HIPK2: variants seen among roughly 807,000 people sequenced by gnomAD.
The protein encoded by HIPK2 is homeodomain-interacting protein kinase 2.
A neutral mutation model predicts 113.7 loss-of-function variants in HIPK2; 27 were observed. The observed-to-expected ratio is 0.24, with a 90% confidence interval of 0.17 to 0.33. The LOEUF (loss-of-function observed/expected upper bound fraction) is 0.33. Ranked by LOEUF, HIPK2 falls within the 10% of genes least tolerant of loss-of-function variation. The probability of loss-of-function intolerance (pLI) is 1.00; values close to 1 mark genes in which losing one functional copy is unlikely to be tolerated. For synonymous variants in HIPK2, 631 were observed against 642.2 expected (o/e 0.98, Z 0.26); for missense variants, 1,257 against 1,588.0 (o/e 0.79, Z 3.54).
chr7:139,602,269 G>A (rs1291150143), intron 10 of HIPK2, among the ~76,000 whole-genome samples: 1 of 152,078 alleles, frequency 6.6e-6, no homozygotes, highest in African/African-American at 2.4e-5. Context: ...CTGATATTAT[G>A]GCTTCTTTAT....
At chr7:139,651,604 G>C (rs1801459986) in intron 2 of HIPK2, among the ~76,000 whole-genome samples, 1 of 152,178 alleles carries the variant, frequency 6.6e-6, no homozygotes, top group African/African-American at 2.4e-5. Context: ...GTGACTCCTA[G>C]GAGAGAGGCG....
At chr7:139,731,671 T>A (rs531827577) in intron 1 of HIPK2, among the ~76,000 whole-genome samples, 10 of 152,252 alleles carry the variant, frequency 6.6e-5, no homozygotes, top group Non-Finnish European at 1.3e-4. Flanking sequence ...TTGTGAAAGA[T>A]GTTTTGCAGA....
rs1170666384 is a variant in HIPK2, at chr7:139,563,789, G to A, written c.*9138C>T. 2 of 398,342 alleles carry A rather than the reference G, an allele frequency of 5.0e-6. No homozygotes were observed. The highest frequency in any genetic ancestry group is 2.1e-5 in the African/African-American group (1 of 48,566). The allele number at this position is 398,342 out of a possible 1,614,324, so 24.7% of individuals were successfully genotyped here. On this transcript the variant is annotated 3_prime_UTR_variant, in exon 15 of 15. Coordinates refer to ENST00000406875, the MANE Select transcript of HIPK2 (RefSeq NM_022740.5). ...GAAAAAGCAAATGTGGTATTTTTTT[G>A]TATTTTTTAAAAGCTCCCTGGTCCC...
In HIPK2 at chr7:139,572,787, T is replaced by A; in HGVS notation, c.*140A>T. ...CTGCCCCCCCCCCCCCCCCCGCCCCTGCCCCGTTTGCATTGTTTGTGTGCG... is the reference window on the plus strand; with the variant it reads ...CTGCCCCCCCCCCCCCCCCCGCCCCAGCCCCGTTTGCATTGTTTGTGTGCG... On this transcript the variant is annotated 3_prime_UTR_variant, in exon 15 of 15. Transcript: ENST00000406875. 2 of 63,314 alleles carry A rather than the reference T, an allele frequency of 3.2e-5. No individual in the cohort carries two copies. Among genetic ancestry groups the A allele is most frequent in the Middle Eastern group, 4.3e-3 (1 of 230 alleles). The allele number at this position is 63,314 out of a possible 1,614,324, so 3.9% of individuals were successfully genotyped here. A position where few individuals can be genotyped will look rare whatever the true frequency, so the allele number is the denominator to read the frequency against.
chr7:139,626,719 T>G lies in HIPK2; in HGVS notation c.1501A>C (p.Ile501Leu). The part of the protein sequence containing the change: ...LVEKADRREF[I>L]DLLKKMLTID... ...GTCAGCATCTTCTTCAACAGGTCAA[T>G]GAACTCCCGCCGGTCAGCCTTTTCT... Residue 501 changes from isoleucine to leucine, a missense_variant, in exon 6 of 15, where the codon ATT becomes CTT. Ile to Leu is a conservative substitution (Grantham distance 5). This residue lies in a region of HIPK2 where 862 missense variants were observed against 1,004.3 expected (regional missense o/e 0.86). Coordinates refer to ENST00000406875, the MANE Select transcript of HIPK2 (RefSeq NM_022740.5). 6.2e-7 allele frequency: 1 copy of G among 1,613,964 alleles called. No homozygotes were observed. Among genetic ancestry groups the G allele is most frequent in the Non-Finnish European group, 8.5e-7 (1 of 1,179,898 alleles).
chr7:139,733,804 C>T (rs760451404), intron 1 of HIPK2, among the ~76,000 whole-genome samples: 3 of 152,160 alleles, frequency 2.0e-5, no homozygotes, highest in African/African-American at 4.8e-5. Context: ...ATAAGAAGTA[C>T]GCAAGAAGTA....
At chr7:139,745,405 C>T (rs770109414) in intron 1 of HIPK2, among the ~76,000 whole-genome samples, 24 of 152,128 alleles carry the variant, frequency 1.6e-4, no homozygotes, top group Admixed American at 6.5e-5. Context: ...AAGCAACTAT[C>T]CTCCCCCCGA....
Position 139,570,096 on chromosome 7 carries a change from C to A in HIPK2, c.*2831G>T, listed in dbSNP as rs533038783. 1 of 152,100 alleles carries A rather than the reference C, an allele frequency of 6.6e-6. No homozygotes were observed. The highest frequency in any genetic ancestry group is 1.5e-5 in the Non-Finnish European group (1 of 68,030). The allele number at this position is 152,100 out of a possible 1,614,324, so 9.4% of individuals were successfully genotyped here. On this transcript the variant is annotated 3_prime_UTR_variant, in exon 15 of 15. Coordinates refer to ENST00000406875, the MANE Select transcript of HIPK2 (RefSeq NM_022740.5). ...TAAGCTGTCTTTCCCCCTAAAAGAT[C>A]AGATCTAGAAAGGGCTGGAAATGAA...
chr7:139,732,760 T>C (rs1448898940), intron 1 of HIPK2, among the ~76,000 whole-genome samples: 1 of 148,468 alleles, frequency 6.7e-6, no homozygotes, highest in Non-Finnish European at 1.5e-5. Flanking sequence ...TAACTATATA[T>C]AACATATATT....
chr7:139,681,026 A>C (rs2116707318), intron 2 of HIPK2, among the ~76,000 whole-genome samples: 1 of 152,292 alleles, frequency 6.6e-6, no homozygotes, highest in East Asian at 1.9e-4. Flanking sequence ...GAGTCACTCC[A>C]TGATAAAGCC....
intron 9 of HIPK2, among the ~76,000 whole-genome samples, chr7:139,612,711 T>C (rs1276133139): frequency 1.3e-5 from 2 of 152,200 alleles, no homozygotes; most frequent in Non-Finnish European, 2.9e-5. Flanking sequence ...TGCCATCTCA[T>C]TCTACCATCA....
At chr7:139,675,853 A>G (rs1802478831) in intron 2 of HIPK2, among the ~76,000 whole-genome samples, 1 of 152,132 alleles carries the variant, frequency 6.6e-6, no homozygotes, top group South Asian at 2.1e-4. Flanking sequence ...AAGACTCAAA[A>G]TGATGCTCTT....
At chr7:139,670,755 CTTTCTTTTTT>C (rs1277983623) in intron 2 of HIPK2, among the ~76,000 whole-genome samples, 6 of 37,020 alleles carry the variant, frequency 1.6e-4, no homozygotes, top group Admixed American at 1.0e-3. Context: ...TTCTTTCTTT[CTTTCTTTTTT>C]TTTTTTTTTT....
rs892427471 is a variant in HIPK2, at chr7:139,683,652, C to T, written c.1103+32280G>A. Among the ~76,000 whole-genome samples, 8 of 152,118 alleles carry T rather than the reference C, an allele frequency of 5.3e-5. No individual in the cohort carries two copies. ...GAGGTGAGGGTCATTAGGGGCCTTC[C>T]TGGAGGTTGGCTGCCACTGTCATAC... is the stretch of plus-strand genomic sequence containing the variant. On this transcript the variant is annotated intron_variant, in intron 2 of 14. Transcript: ENST00000406875. This position sits in a 1 kb window ranked among gnomAD's most constrained non-coding sequence, Gnocchi z 4.2.
At chr7:139,661,152 C>T (rs1292099123) in intron 2 of HIPK2, among the ~76,000 whole-genome samples, 1 of 152,154 alleles carries the variant, frequency 6.6e-6, no homozygotes. Context: ...ACTACTAGCC[C>T]TTAAAAATCC....
At chr7:139,749,016 A>G (rs1307894041) in intron 1 of HIPK2, among the ~76,000 whole-genome samples, 1 of 152,284 alleles carries the variant, frequency 6.6e-6, no homozygotes, top group African/African-American at 2.4e-5. Flanking sequence ...AACAAGGTCC[A>G]AGAACAAAAA....
At position 139,570,690 on chromosome 7, in the gene HIPK2, T is replaced by G. The variant is rs896489459; in HGVS notation, c.*2237A>C. The G allele has an allele frequency of 1.3e-5, 2 of 152,476 alleles. No individual in the cohort carries two copies. Among genetic ancestry groups the G allele is most frequent in the African/African-American group, 4.8e-5 (2 of 41,444 alleles). 9.4% of individuals were successfully genotyped at this position (152,476 alleles called of 1,614,324 possible). A position where few individuals can be genotyped will look rare whatever the true frequency, so the allele number is the denominator to read the frequency against. On this transcript the variant is annotated 3_prime_UTR_variant, in exon 15 of 15. Transcript: ENST00000406875. Reference sequence around the variant, plus strand: ...GTTGGATATCACTACAAACACACCTTTCACAGTAGATCCTTGAGGGAGACT... The same window carrying G: ...GTTGGATATCACTACAAACACACCTGTCACAGTAGATCCTTGAGGGAGACT...
At chr7:139,769,379 T>C (rs117869586) in intron 1 of HIPK2, among the ~76,000 whole-genome samples, 1,989 of 145,666 alleles carry the variant, frequency 0.014, 25 homozygotes, top group Non-Finnish European at 0.021. Flanking sequence ...CCTTCTATTA[T>C]ACCCAGGCCA....
intron 1 of HIPK2, among the ~76,000 whole-genome samples, chr7:139,724,122 A>G (rs1795499938): frequency 6.6e-6 from 1 of 152,216 alleles, no homozygotes; most frequent in Non-Finnish European, 1.5e-5. Context: ...ATTATAGAAT[A>G]TGTCAAAAAT....
Sources: allele counts gnomAD v4.1 joint callset (sites outside exome capture counted in the v4.1 genomes callset), GRCh38; gene constraint gnomAD v4.1.1; regional missense constraint gnomAD v4.1.1; non-coding constraint Gnocchi (gnomAD v3.1); transcripts MANE v1.5; gene names NCBI Gene and HGNC (gene_info 2026-07-23, HGNC 2026-07-21).